Variants in CFAP47 observed in about 807,000 individuals in gnomAD.
The protein encoded by CFAP47 is cilia and flagella associated protein 47, also known as cilia- and flagella-associated protein 47.
Under a neutral mutation model 148.1 loss-of-function variants are expected in CFAP47, and 29 were observed. The ratio of observed to expected loss-of-function variants is 0.20; its 90% CI spans 0.15 to 0.27. CFAP47 has a LOEUF of 0.27. CFAP47 is among the 10% of genes least tolerant of loss of function. CFAP47 has a pLI of 1.00. For missense variants in CFAP47, 1,872 were observed against 1,697.5 expected (o/e 1.10, Z -1.81); for synonymous variants, 664 against 577.3 (o/e 1.15, Z -2.15).
chrX:36,192,319 G>A (rs1397160815), intron 42 of CFAP47, among the ~76,000 whole-genome samples: 2 of 111,322 alleles, frequency 1.8e-5, no homozygotes, highest in Non-Finnish European at 3.8e-5. Context: ...AGCAAATTAG[G>A]TGGAGGAATT....
chrX:36,007,155 T>C (rs1321607642), intron 21 of CFAP47, among the ~76,000 whole-genome samples: 1 of 112,249 alleles, frequency 8.9e-6, no homozygotes, highest in African/African-American at 3.2e-5. Context: ...TTCCCTGCAG[T>C]TTTTGAATGT....
intron 49 of CFAP47, among the ~76,000 whole-genome samples, chrX:36,274,868 T>C (rs1465342189): frequency 1.8e-5 from 2 of 111,647 alleles, no homozygotes; most frequent in African/African-American, 3.3e-5. Flanking sequence ...AGTACTATAT[T>C]GGATAGAAGT....
intron 56 of CFAP47, 89 bp from the exon 57 acceptor site, chrX:36,319,120 G>T: frequency 2.3e-6 from 1 of 433,901 alleles, no homozygotes. Flanking sequence ...TCCTATTAGA[G>T]GATAATTTTT....
At chrX:36,264,782 C>T (rs1940870806) in intron 49 of CFAP47, among the ~76,000 whole-genome samples, 1 of 111,988 alleles carries the variant, frequency 8.9e-6, no homozygotes, top group Non-Finnish European at 1.9e-5. Flanking sequence ...TGTTAAAATG[C>T]TATTGTTGCA....
Position 36,382,769 on chromosome X carries a change from T to C in CFAP47, c.9355-2028T>C, listed in dbSNP as rs1454553447. ...ATCTGTTTATTTTTTTAAATTTCTTTAAATAAATAGTTGAGAAGTATAATT... is the reference window on the plus strand; with the variant it reads ...ATCTGTTTATTTTTTTAAATTTCTTCAAATAAATAGTTGAGAAGTATAATT... On this transcript the variant is annotated intron_variant, in intron 63 of 63. Transcript: ENST00000378653. Among the ~76,000 whole-genome samples the C allele has an allele frequency of 3.6e-5, 4 of 111,561 alleles. No homozygotes were observed. The Admixed American group carries it at 3.8e-4, about 11-fold the overall frequency.
chrX:36,022,190 G>GT (rs1424396112), intron 22 of CFAP47: 1 of 111,445 alleles, frequency 9.0e-6, no homozygotes, highest in East Asian at 2.8e-4. Flanking sequence ...CTTAGCTTTT[G>GT]TTTGTCTGAG....
chrX:35,925,713 A>G (rs1191991126), intron 1 of CFAP47, among the ~76,000 whole-genome samples: 1 of 112,121 alleles, frequency 8.9e-6, no homozygotes, highest in Non-Finnish European at 1.9e-5. Flanking sequence ...CTGGGGTACA[A>G]TGGCACGACC....
chrX:36,005,917 T>TAC (rs1171133948), intron 21 of CFAP47, among the ~76,000 whole-genome samples: 9 of 109,388 alleles, frequency 8.2e-5, no homozygotes, highest in East Asian at 2.8e-4. Flanking sequence ...CACACACACA[T>TAC]ACACACACAC....
chrX:36,251,931 A>G (rs376159170), intron 49 of CFAP47, among the ~76,000 whole-genome samples: 61 of 111,132 alleles, frequency 5.5e-4, no homozygotes, highest in Admixed American at 1.6e-3. Context: ...GATTTCCGCA[A>G]TGGTCCCAGA....
chrX:36,047,019 G>A lies in CFAP47; in HGVS notation c.4173G>A (p.Val1391=). The part of the protein sequence containing the change: ...CHLSFKSSKP[V]SFFTNLLFCD... Reference sequence around the variant, plus strand: ...TCAGTTTCAAGTCATCTAAACCTGTGTCATTTTTTACCAATCTTCTTTTCT... The same window carrying A: ...TCAGTTTCAAGTCATCTAAACCTGTATCATTTTTTACCAATCTTCTTTTCT... The change falls in exon 26 of 64, where the codon GTG becomes GTA. Residue 1391 remains valine (V), a synonymous_variant. Coordinates refer to ENST00000378653, the MANE Select transcript of CFAP47 (RefSeq NM_001304548.2). 2.6e-6 allele frequency: 3 copies of A among 1,163,530 alleles called. No homozygotes were observed. Among genetic ancestry groups the A allele is most frequent in the Non-Finnish European group, 3.4e-6 (3 of 870,758 alleles).
chrX:36,095,336 G>A (rs1938257072), intron 30 of CFAP47, among the ~76,000 whole-genome samples: 2 of 111,653 alleles, frequency 1.8e-5, no homozygotes, highest in Admixed American at 9.5e-5. Flanking sequence ...CAGGGATATT[G>A]GACTGTAGCA....
chrX:36,251,927 C>T (rs1940697179), intron 49 of CFAP47, among the ~76,000 whole-genome samples: 1 of 110,489 alleles, frequency 9.1e-6, no homozygotes, highest in Non-Finnish European at 1.9e-5. Context: ...TGCAGATTTC[C>T]GCAATGGTCC....
intron 45 of CFAP47, among the ~76,000 whole-genome samples, chrX:36,213,682 G>C (rs1940127678): frequency 8.9e-6 from 1 of 111,871 alleles, no homozygotes; most frequent in Non-Finnish European, 1.9e-5. Context: ...AGTCTACTAA[G>C]TAATTAGAGT....
intron 2 of CFAP47, among the ~76,000 whole-genome samples, chrX:35,929,871 C>T (rs1035500222): frequency 9.0e-6 from 1 of 110,529 alleles, no homozygotes; most frequent in African/African-American, 3.3e-5. Context: ...TGGTGGTGCA[C>T]ACTTGTAATC....
intron 45 of CFAP47, among the ~76,000 whole-genome samples, chrX:36,223,945 C>T (rs1940241446): frequency 9.0e-6 from 1 of 110,621 alleles, no homozygotes; most frequent in Non-Finnish European, 1.9e-5. Flanking sequence ...CTACCTGGGT[C>T]CAATATACCC....
At chrX:36,191,992 A>G (rs188932864) in intron 42 of CFAP47, among the ~76,000 whole-genome samples, 1,411 of 110,721 alleles carry the variant, frequency 0.013, 21 homozygotes, top group African/African-American at 0.043. Flanking sequence ...TCAAACAACA[A>G]CAACAACAAC....
chrX:35,931,064 G>A (rs924854672), intron 2 of CFAP47, among the ~76,000 whole-genome samples: 2 of 111,252 alleles, frequency 1.8e-5, no homozygotes, highest in East Asian at 2.8e-4. Context: ...AATATGTAAC[G>A]TTATAAATGA....
intron 47 of CFAP47, 149 bp from the exon 48 acceptor site, chrX:36,236,537 G>A (rs1026340732): frequency 2.5e-6 from 1 of 398,148 alleles, no homozygotes; most frequent in South Asian, 5.2e-5. Flanking sequence ...TTTTGTAGAA[G>A]CAGTTATTTG....
At chrX:36,051,908 A>T (rs1404719238) in intron 26 of CFAP47, among the ~76,000 whole-genome samples, 2 of 110,861 alleles carry the variant, frequency 1.8e-5, no homozygotes, top group South Asian at 7.8e-4. Flanking sequence ...TGCTGTTCTC[A>T]TGATAGTGAA....
Sources: allele counts gnomAD v4.1 joint callset (sites outside exome capture counted in the v4.1 genomes callset), GRCh38; gene constraint gnomAD v4.1.1; transcripts MANE v1.5; gene names NCBI Gene and HGNC (gene_info 2026-07-23, HGNC 2026-07-21).